Variants in CDK19 observed in about 807,000 individuals in gnomAD.
The protein encoded by CDK19 is cyclin-dependent kinase 19.
Under a neutral mutation model 68.3 loss-of-function variants are expected in CDK19, and 20 were observed. That is an observed-to-expected ratio of 0.29 (90% CI 0.21 to 0.43). The LOEUF (loss-of-function observed/expected upper bound fraction) is 0.43, where lower values mean the gene tolerates loss of function less well. Ranked by LOEUF, CDK19 falls within the 20% of genes least tolerant of loss-of-function variation. The pLI, the probability that CDK19 is intolerant of heterozygous loss-of-function variation, is 1.00. For missense variants in CDK19, 339 were observed against 623.5 expected (o/e 0.54, Z 4.86); for synonymous variants, 221 against 222.8 (o/e 0.99, Z 0.07).
At chr6:110,676,257 G>A (rs1378703777) in intron 2 of CDK19, among the ~76,000 whole-genome samples, 2 of 152,170 alleles carry the variant, frequency 1.3e-5, no homozygotes, top group Non-Finnish European at 2.9e-5. Flanking sequence ...GCCATCTCAT[G>A]ATCAAACAGG....
intron 1 of CDK19, among the ~76,000 whole-genome samples, chr6:110,776,383 C>T (rs1218408973): frequency 6.6e-6 from 1 of 151,222 alleles, no homozygotes; most frequent in Admixed American, 6.6e-5. Context: ...GAGCCGAGAT[C>T]GTGCCACTGC....
At chr6:110,623,751 T>C (rs11963827) in intron 8 of CDK19, among the ~76,000 whole-genome samples, 177 of 81,360 alleles carry the variant, frequency 2.2e-3, no homozygotes, top group African/African-American at 8.6e-3. Flanking sequence ...TATATATATA[T>C]ACATATATAT....
chr6:110,705,899 T>C (rs1256588300), intron 2 of CDK19, among the ~76,000 whole-genome samples: 2 of 152,076 alleles, frequency 1.3e-5, no homozygotes, highest in African/African-American at 2.4e-5. Flanking sequence ...CAGATGTAGA[T>C]GATGGGTTGA....
At chr6:110,659,882 A>G (rs1781512607) in intron 4 of CDK19, among the ~76,000 whole-genome samples, 1 of 152,234 alleles carries the variant, frequency 6.6e-6, no homozygotes, top group Non-Finnish European at 1.5e-5. Flanking sequence ...CTTACCATCC[A>G]TGTAACTTTT....
At chr6:110,651,072 C>T (rs1426194986) in intron 4 of CDK19, among the ~76,000 whole-genome samples, 1 of 151,988 alleles carries the variant, frequency 6.6e-6, no homozygotes, top group African/African-American at 2.4e-5. Context: ...GAGTAAGGAC[C>T]GGAAATCAAG....
chr6:110,811,373 C>A (rs1453048560), intron 1 of CDK19, among the ~76,000 whole-genome samples: 3 of 152,080 alleles, frequency 2.0e-5, no homozygotes, highest in Non-Finnish European at 4.4e-5. Context: ...CCTGACAAAA[C>A]AAACTCTGTA....
intron 2 of CDK19, among the ~76,000 whole-genome samples, chr6:110,694,328 G>T (rs1773295685): frequency 6.7e-6 from 1 of 149,482 alleles, no homozygotes; most frequent in Admixed American, 6.6e-5. Flanking sequence ...ATGTTTCCAT[G>T]CAAAAGGAAA....
chr6:110,792,772 A>G (rs1325013345), intron 1 of CDK19, among the ~76,000 whole-genome samples: 1 of 152,202 alleles, frequency 6.6e-6, no homozygotes, highest in Non-Finnish European at 1.5e-5. Flanking sequence ...TCACTCTCAA[A>G]AAACTGACTA....
intron 2 of CDK19, among the ~76,000 whole-genome samples, chr6:110,728,881 T>C (rs2114784654): frequency 6.6e-6 from 1 of 152,338 alleles, no homozygotes; most frequent in Non-Finnish European, 1.5e-5. Context: ...AGATAATCTT[T>C]CTCTTGTTAT....
intron 2 of CDK19, among the ~76,000 whole-genome samples, chr6:110,743,259 GGTTAA>G (rs1777809827): frequency 6.6e-6 from 1 of 152,078 alleles, no homozygotes; most frequent in South Asian, 2.1e-4. Context: ...ATCATGTTGG[GGTTAA>G]GTATTTAGAG....
chr6:110,807,073 G>A (rs1278477349), intron 1 of CDK19, among the ~76,000 whole-genome samples: 1 of 151,872 alleles, frequency 6.6e-6, no homozygotes, highest in African/African-American at 2.4e-5. Context: ...GTCAAGGTAG[G>A]AGGATTACTT....
chr6:110,622,027 C>G, intron 11 of CDK19, 61 bp downstream of exon 11: 1 of 941,866 alleles, frequency 1.1e-6, no homozygotes, highest in Non-Finnish European at 1.6e-6. Flanking sequence ...GGAACGATAC[C>G]TAAACTATCT....
chr6:110,787,567 C>T (rs1186759024), intron 1 of CDK19, among the ~76,000 whole-genome samples: 3 of 151,974 alleles, frequency 2.0e-5, no homozygotes, highest in Non-Finnish European at 1.5e-5. Context: ...CAACGTCAGC[C>T]TCACAAGTAG....
intron 1 of CDK19, among the ~76,000 whole-genome samples, chr6:110,765,158 C>G (rs1386806136): frequency 6.6e-6 from 1 of 151,686 alleles, no homozygotes; most frequent in Non-Finnish European, 1.5e-5. Context: ...TGGCTCATGC[C>G]TATAATCTCA....
At chr6:110,617,605 GA>G (rs1778399708) in intron 12 of CDK19, among the ~76,000 whole-genome samples, 1 of 150,630 alleles carries the variant, frequency 6.6e-6, no homozygotes, top group African/African-American at 2.4e-5. Flanking sequence ...CCAACATGGC[GA>G]AACCCTGTCT....
intron 1 of CDK19, among the ~76,000 whole-genome samples, chr6:110,810,773 CAA>C (rs931409889): frequency 2.4e-5 from 3 of 122,452 alleles, no homozygotes. Flanking sequence ...AACTCCATCT[CAA>C]AAAAAAAAAA....
chr6:110,802,513 C>G (rs543844661), intron 1 of CDK19, among the ~76,000 whole-genome samples: 2 of 152,158 alleles, frequency 1.3e-5, no homozygotes, highest in Admixed American at 6.5e-5. Flanking sequence ...ACGACAGACA[C>G]TGGGGACTCC....
chr6:110,739,394 T>C (rs925609209), intron 2 of CDK19, among the ~76,000 whole-genome samples: 1 of 152,134 alleles, frequency 6.6e-6, no homozygotes, highest in African/African-American at 2.4e-5. Flanking sequence ...AGACACTGAA[T>C]GGGCCTTGAT....
intron 2 of CDK19, among the ~76,000 whole-genome samples, chr6:110,674,727 C>A (rs1397098576): frequency 1.3e-5 from 2 of 151,874 alleles, no homozygotes; most frequent in Non-Finnish European, 2.9e-5. Flanking sequence ...ATGGTGAAAC[C>A]CCGTCTCTAC....
Sources: gnomAD v4.1 joint callset for allele counts (sites outside exome capture counted in the v4.1 genomes callset) on GRCh38, gnomAD v4.1.1 for gene constraint, MANE v1.5 for transcripts, NCBI Gene and HGNC (gene_info 2026-07-23, HGNC 2026-07-21) for gene names.